The following HNRNPUL1 variants were observed in gnomAD, a reference collection of about 807,000 sequenced individuals.
The protein encoded by HNRNPUL1 is heterogeneous nuclear ribonucleoprotein U-like protein 1.
HNRNPUL1 carries 14 observed loss-of-function variants against 108.5 expected under a neutral mutation model. That is an observed-to-expected ratio of 0.13 (90% confidence interval 0.09 to 0.20). The LOEUF is 0.20. Among genes scored for constraint, HNRNPUL1 ranks in the 10% least tolerant of loss-of-function variants. HNRNPUL1 has a pLI of 1.00. For missense variants in HNRNPUL1, 804 were observed against 1,168.3 expected (o/e 0.69, Z 4.55); for synonymous variants, 422 against 445.2 (o/e 0.95, Z 0.66).
chr19:41,284,080 T>C (rs1209282047), intron 7 of HNRNPUL1, among the ~76,000 whole-genome samples: 1 of 152,244 alleles, frequency 6.6e-6, no homozygotes, highest in Non-Finnish European at 1.5e-5. Flanking sequence ...TGTGTATTTT[T>C]TAATCATGTT....
chr19:41,294,486 TACTC>T lies in HNRNPUL1; in HGVS notation c.1389+29_1389+32del, dbSNP rs1327788570. The T allele has an allele frequency of 6.2e-7, 1 of 1,614,112 alleles. No homozygotes were observed. The highest frequency in any genetic ancestry group is 8.5e-7 in the Non-Finnish European group (1 of 1,179,996). On this transcript the variant is annotated intron_variant, in intron 9 of 14. Coordinates refer to ENST00000392006, the MANE Select transcript of HNRNPUL1 (RefSeq NM_007040.6). The surrounding 1 kb of genome is among the most constrained non-coding windows in gnomAD (Gnocchi z 4.3). ...GTAAGGCCAGCCACTGGACTCTCCT[TACTC>T]ACCTCCAACCTACTGAGTGCTGCCC...
intron 3 of HNRNPUL1, 122 bp downstream of exon 3, chr19:41,272,357 ACT>A (rs2035292798): frequency 5.9e-6 from 6 of 1,020,320 alleles, no homozygotes; most frequent in Admixed American, 4.6e-5. Flanking sequence ...CTGCTTTCAC[ACT>A]CTTCCTGTCC....
intron 7 of HNRNPUL1, among the ~76,000 whole-genome samples, chr19:41,288,466 A>T (rs2036383396): frequency 6.6e-6 from 1 of 151,122 alleles, no homozygotes; most frequent in Non-Finnish European, 1.5e-5. Flanking sequence ...CTGGTCTCGA[A>T]CTCCCGACCT....
chr19:41,264,235 C>A, upstream of HNRNPUL1: 1 of 354,762 alleles, frequency 2.8e-6, no homozygotes, highest in Non-Finnish European at 5.1e-6. Flanking sequence ...TAGGCCTTCT[C>A]GTGGCCGTTG....
intron 12 of HNRNPUL1, among the ~76,000 whole-genome samples, chr19:41,303,515 C>T (rs897355449): frequency 2.0e-5 from 3 of 152,010 alleles, no homozygotes; most frequent in Admixed American, 6.6e-5. Context: ...CCACCACGCC[C>T]GGCTAATTTT....
rs147168311 is a variant in HNRNPUL1 at position 41,271,435 on chromosome 19, C to T, written c.419-647C>T. Among the ~76,000 whole-genome samples, 1,025 of 152,306 alleles carry T rather than the reference C, an allele frequency of 6.7e-3. 4 individuals are homozygous for T. The highest frequency in any genetic ancestry group is 0.012 in the Non-Finnish European group (832 of 68,018). Reference sequence around the variant, plus strand: ...AGGAGACTTTTCTGAGAGATGTGGTCCACATGCCGAAGCTGGGGAGTGATC... The same window carrying T: ...AGGAGACTTTTCTGAGAGATGTGGTTCACATGCCGAAGCTGGGGAGTGATC... On this transcript the variant is annotated intron_variant, in intron 2 of 14. Transcript: ENST00000392006.
chr19:41,268,441 C>A, intron 2 of HNRNPUL1, 96 bp downstream of exon 2: 2 of 1,328,602 alleles, frequency 1.5e-6, no homozygotes, highest in Non-Finnish European at 2.0e-6. Flanking sequence ...AGAAACTGTG[C>A]ATCTTTTTTC....
rs143408007 is a variant in HNRNPUL1 at position 41,267,839 on chromosome 19, G to A, written c.296-384G>A. 9.2e-5 allele frequency among the ~76,000 whole-genome samples: 14 copies of A among 152,312 alleles called. No individual in the cohort carries two copies. In the East Asian group the frequency reaches 1.9e-3, roughly 21 times the overall value. ...TAGTTCCACCTCTGAGCTTTCACAC[G>A]TGTTATCCCAACCCCAGTAACATTC... On this transcript the variant is annotated intron_variant, in intron 1 of 14. Coordinates refer to ENST00000392006, the MANE Select transcript of HNRNPUL1 (RefSeq NM_007040.6).
rs956450712 is a variant in HNRNPUL1, at chr19:41,273,655, T to C, written c.573-327T>C. ...GCCTCCAAACAGTAACAGAGATCAG[T>C]GTGGAAGTGGTTGTCAACATGCAGA... On this transcript the variant is annotated intron_variant, in intron 3 of 14. Transcript: ENST00000392006. Among the ~76,000 whole-genome samples the C allele has an allele frequency of 4.6e-5, 7 of 152,064 alleles. No homozygotes were observed. In the South Asian group the frequency reaches 6.2e-4, roughly 14 times the overall value.
Position 41,306,797 on chromosome 19 carries a change from C to T in HNRNPUL1, c.*232C>T. The T allele has an allele frequency of 2.7e-6, 1 of 365,130 alleles. No homozygotes were observed. The highest frequency in any genetic ancestry group is 4.9e-6 in the Non-Finnish European group (1 of 202,680). The allele number at this position is 365,130 out of a possible 1,614,324, so 22.6% of individuals were successfully genotyped here. On this transcript the variant is annotated 3_prime_UTR_variant, in exon 15 of 15. Transcript: ENST00000392006. ...CAATGACCTTTTATTTTCTGTTTGT[C>T]CCCACCTCCCCAGCCTTCCACCTCC...
intron 7 of HNRNPUL1, among the ~76,000 whole-genome samples, chr19:41,282,335 A>G (rs2035945054): frequency 6.6e-6 from 1 of 152,068 alleles, no homozygotes; most frequent in Non-Finnish European, 1.5e-5. Flanking sequence ...GGCATGCACC[A>G]CTACACCCAA....
At chr19:41,272,431 CCTT>C (rs2035297697) in intron 3 of HNRNPUL1, 196 bp downstream of exon 3, 1 of 544,248 alleles carries the variant, frequency 1.8e-6, no homozygotes, top group Non-Finnish European at 3.2e-6. Flanking sequence ...CCAGTTCCTC[CCTT>C]CTTACCTGCA....
chr19:41,302,212 C>CTTTTTT (rs1568459025), intron 11 of HNRNPUL1, among the ~76,000 whole-genome samples: 1 of 104,518 alleles, frequency 9.6e-6, no homozygotes, highest in Non-Finnish European at 2.0e-5. Context: ...CTCTCTCTCT[C>CTTTTTT]TGTTTTTTTT....
chr19:41,268,421 G>A, intron 2 of HNRNPUL1, 76 bp downstream of exon 2: 3 of 1,478,526 alleles, frequency 2.0e-6, no homozygotes, highest in Non-Finnish European at 2.7e-6. Flanking sequence ...CTTAGAGCGG[G>A]TCTTCCCAGA....
In HNRNPUL1 at chr19:41,272,144, C is replaced by T. The variant is rs1209170013; in HGVS notation, c.481C>T (p.Leu161Phe). 1.9e-6 allele frequency: 3 copies of T among 1,614,068 alleles called. No homozygotes were observed. The highest frequency in any genetic ancestry group is 2.5e-6 in the Non-Finnish European group (3 of 1,180,040). ...TSFLPPEASQ[L>F]KPDRQQFQSR... ...CTTCCTCCCGCCTGAAGCTTCTCAA[C>T]TCAAGCCAGACAGGCAGCAATTCCA... Residue 161 changes from leucine (L) to phenylalanine (F), a missense_variant, in exon 3 of 15, where the codon CTC becomes TTC. By Grantham distance (22) the Leu-to-Phe change is conservative. This residue lies in a region of HNRNPUL1 where 256 missense variants were observed against 261.6 expected (regional missense o/e 0.98). Transcript: ENST00000392006.
intron 7 of HNRNPUL1, among the ~76,000 whole-genome samples, chr19:41,283,505 G>T (rs759161509): frequency 1.3e-5 from 2 of 152,052 alleles, no homozygotes; most frequent in African/African-American, 4.8e-5. Context: ...GCCTAGGCTG[G>T]AGCACGGTGG....
rs201529068 is a variant in HNRNPUL1, at chr19:41,302,960, T to A, written c.1972+11T>A. ...GCAACTACCGAGGAGGTGAGACATC[T>A]CACACACAGCACTCTCCACTTTCTG... is the stretch of plus-strand genomic sequence containing the variant. On this transcript the variant is annotated intron_variant, in intron 12 of 14. Coordinates refer to ENST00000392006, the MANE Select transcript of HNRNPUL1 (RefSeq NM_007040.6). 1.1e-5 allele frequency: 17 copies of A among 1,519,484 alleles called. No homozygotes were observed. The highest frequency in any genetic ancestry group is 2.3e-5 in the Admixed American group (1 of 44,424). 94.1% of individuals were successfully genotyped at this position (1,519,484 alleles called of 1,614,324 possible). A position where few individuals can be genotyped will look rare whatever the true frequency, so the allele number is the denominator to read the frequency against.
chr19:41,263,248 T>C (rs1245708242), upstream of HNRNPUL1, among the ~76,000 whole-genome samples: 8 of 151,988 alleles, frequency 5.3e-5, no homozygotes, highest in Non-Finnish European at 1.0e-4. Context: ...TTGTTTTGAG[T>C]TAGAGGCGAC....
intron 2 of HNRNPUL1, among the ~76,000 whole-genome samples, chr19:41,270,637 C>T (rs2122484773): frequency 7.0e-6 from 1 of 142,408 alleles, no homozygotes; most frequent in East Asian, 2.2e-4. Context: ...GCTCTGTTGC[C>T]CAGGCTGGAG....
Sources: allele counts gnomAD v4.1 joint callset (sites outside exome capture counted in the v4.1 genomes callset), GRCh38; gene constraint gnomAD v4.1.1; regional missense constraint gnomAD v4.1.1; non-coding constraint Gnocchi (gnomAD v3.1); transcripts MANE v1.5; gene names NCBI Gene and HGNC (gene_info 2026-07-23, HGNC 2026-07-21).